PLXDC2: variants seen among roughly 807,000 people sequenced by gnomAD.
The protein encoded by PLXDC2 is plexin domain containing 2, also known as plexin domain-containing protein 2.
Under a neutral mutation model 68.9 loss-of-function variants are expected in PLXDC2, and 40 were observed. That is an observed-to-expected ratio of 0.58 (90% CI 0.45 to 0.76). PLXDC2 has a LOEUF of 0.76. Among genes scored for constraint, PLXDC2 ranks in the 30% least tolerant of loss-of-function variants. PLXDC2 has a pLI of 0.00. For synonymous variants in PLXDC2, 243 were observed against 234.2 expected, an observed-to-expected ratio of 1.04 and a Z score of -0.34; for missense variants, 644 against 661.9, an observed-to-expected ratio of 0.97 and a Z score of 0.30.
chr10:20,011,529 G>A (rs961505636), intron 2 of PLXDC2, among the ~76,000 whole-genome samples: 1 of 152,206 alleles, frequency 6.6e-6, no homozygotes, highest in South Asian at 2.1e-4. Context: ...CTCAGCTCAT[G>A]TCCCTGTGGG....
intron 1 of PLXDC2, among the ~76,000 whole-genome samples, chr10:19,903,317 G>A (rs529985154): frequency 2.4e-4 from 35 of 143,656 alleles, no homozygotes; most frequent in African/African-American, 8.4e-4. Flanking sequence ...GACTTTTTTT[G>A]TTGGCTTTTT....
chr10:20,277,353 T>G (rs1165163083), intron 13 of PLXDC2, among the ~76,000 whole-genome samples: 2 of 152,104 alleles, frequency 1.3e-5, no homozygotes, highest in Non-Finnish European at 2.9e-5. Context: ...ATTCTAAAAG[T>G]TAGCAGAAGG....
intron 1 of PLXDC2, among the ~76,000 whole-genome samples, chr10:19,965,541 T>C (rs1225797911): frequency 6.6e-6 from 1 of 152,136 alleles, no homozygotes; most frequent in Non-Finnish European, 1.5e-5. Context: ...AATTCCCACT[T>C]GTTCTGTGTG....
intron 9 of PLXDC2, among the ~76,000 whole-genome samples, chr10:20,185,822 G>A (rs111530544): frequency 5.3e-5 from 8 of 151,834 alleles, no homozygotes; most frequent in East Asian, 3.9e-4. Flanking sequence ...CCAAGAGCCC[G>A]GTTCTAAAAT....
intron 1 of PLXDC2, among the ~76,000 whole-genome samples, chr10:19,991,559 T>C (rs909844276): frequency 6.6e-6 from 1 of 152,184 alleles, no homozygotes; most frequent in South Asian, 2.1e-4. Context: ...TTAAATCATA[T>C]ACAATTTATA....
chr10:20,153,852 C>A (rs569576700), intron 6 of PLXDC2, among the ~76,000 whole-genome samples: 12 of 152,270 alleles, frequency 7.9e-5, no homozygotes, highest in Non-Finnish European at 1.3e-4. Flanking sequence ...TAAAAACTTT[C>A]TTTTCAATAA....
intron 4 of PLXDC2, among the ~76,000 whole-genome samples, chr10:20,094,738 G>T (rs1364117888): frequency 6.6e-6 from 1 of 152,114 alleles, no homozygotes; most frequent in Non-Finnish European, 1.5e-5. Flanking sequence ...TAAGAAAGGG[G>T]TATTGTTGCT....
intron 4 of PLXDC2, among the ~76,000 whole-genome samples, chr10:20,114,782 A>G (rs1476674744): frequency 6.6e-6 from 1 of 152,198 alleles, no homozygotes; most frequent in Non-Finnish European, 1.5e-5. Flanking sequence ...TCTGGAGCAC[A>G]GGATACATCT....
At chr10:20,160,304 T>C (rs1225513497) in intron 6 of PLXDC2, among the ~76,000 whole-genome samples, 1 of 152,126 alleles carries the variant, frequency 6.6e-6, no homozygotes, top group Non-Finnish European at 1.5e-5. Context: ...ACAGATGCAG[T>C]AATCAGAAAT....
chr10:19,859,236 C>T (rs540929130), intron 1 of PLXDC2, among the ~76,000 whole-genome samples: 1 of 147,660 alleles, frequency 6.8e-6, no homozygotes, highest in South Asian at 2.2e-4. Flanking sequence ...TGAGATTCCA[C>T]AGGGCAAAAA....
At chr10:20,237,914 A>G (rs1835455560) in intron 12 of PLXDC2, among the ~76,000 whole-genome samples, 1 of 152,152 alleles carries the variant, frequency 6.6e-6, no homozygotes, top group African/African-American at 2.4e-5. Context: ...CAGACAAAGA[A>G]TATTTCTATT....
chr10:20,083,168 G>C (rs10827960), intron 4 of PLXDC2, among the ~76,000 whole-genome samples: 71,829 of 151,898 alleles, frequency 0.47, 18,221 homozygotes, highest in East Asian at 0.9. Context: ...ACAATCATCT[G>C]TGCTTTTCAA....
At chr10:20,261,644 T>C (rs1023060864) in intron 13 of PLXDC2, among the ~76,000 whole-genome samples, 1 of 152,046 alleles carries the variant, frequency 6.6e-6, no homozygotes, top group Non-Finnish European at 1.5e-5. Flanking sequence ...CACCTGAGGC[T>C]GGGAGTTTGA....
intron 1 of PLXDC2, among the ~76,000 whole-genome samples, chr10:19,878,589 T>G (rs1475923394): frequency 2.0e-5 from 3 of 152,202 alleles, no homozygotes; most frequent in Admixed American, 1.3e-4. Flanking sequence ...CTTTAATGTA[T>G]AATGTGCTCA....
At chr10:19,967,940 T>C (rs116621675) in intron 1 of PLXDC2, among the ~76,000 whole-genome samples, 1 of 152,272 alleles carries the variant, frequency 6.6e-6, no homozygotes, top group African/African-American at 2.4e-5. Flanking sequence ...CAACTAAAAT[T>C]ATGAAGAAAA....
In PLXDC2 at chr10:20,281,086, G is replaced by A. The variant is rs989345646; in HGVS notation, c.*1267G>A. 1 of 152,204 alleles carries A rather than the reference G, an allele frequency of 6.6e-6. No individual in the cohort carries two copies. 9.4% of individuals were successfully genotyped at this position (152,204 alleles called of 1,614,324 possible). A position where few individuals can be genotyped will look rare whatever the true frequency, so the allele number is the denominator to read the frequency against. ...ATTTTTCTGTCACTTAGCAAAAGTG[G>A]TTCAGTTCATTGCCGCGCCCATCAT... On this transcript the variant is annotated 3_prime_UTR_variant, in exon 14 of 14. Transcript: ENST00000377252.
chr10:20,098,960 A>G (rs1419001557), intron 4 of PLXDC2, among the ~76,000 whole-genome samples: 1 of 152,222 alleles, frequency 6.6e-6, no homozygotes, highest in Non-Finnish European at 1.5e-5. Flanking sequence ...ATGAAGCCAA[A>G]AGCTGATAAG....
At chr10:19,875,937 T>C (rs960443019) in intron 1 of PLXDC2, among the ~76,000 whole-genome samples, 1 of 152,198 alleles carries the variant, frequency 6.6e-6, no homozygotes, top group Admixed American at 6.5e-5. Context: ...AAGCAGTCTA[T>C]GCAAATTTAT....
At chr10:19,895,070 A>T (rs1425648251) in intron 1 of PLXDC2, among the ~76,000 whole-genome samples, 1 of 152,222 alleles carries the variant, frequency 6.6e-6, no homozygotes, top group Non-Finnish European at 1.5e-5. Context: ...AATGTGGCAC[A>T]TATACAACAT....
Sources: allele counts gnomAD v4.1 joint callset (sites outside exome capture counted in the v4.1 genomes callset), GRCh38; gene constraint gnomAD v4.1.1; transcripts MANE v1.5; gene names NCBI Gene and HGNC (gene_info 2026-07-23, HGNC 2026-07-21).